The following LRIF1 variants were observed in gnomAD, a reference collection of about 807,000 sequenced individuals.
LRIF1 encodes the protein ligand dependent nuclear receptor interacting factor 1.
Under a neutral mutation model 52.7 loss-of-function variants are expected in LRIF1, and 32 were observed. The observed-to-expected ratio is 0.61, with a 90% CI of 0.46 to 0.82. LRIF1 has a LOEUF of 0.82. Ranked by LOEUF, LRIF1 falls within the 40% of genes least tolerant of loss-of-function variation. The pLI is 0.00. For missense variants in LRIF1, 887 were observed against 892.0 expected (o/e 0.99, Z 0.07); for synonymous variants, 323 against 317.4 (o/e 1.02, Z -0.19).
the LRIF1 span, among the ~76,000 whole-genome samples, chr1:110,924,205 C>G: frequency 6.6e-6 from 1 of 151,936 alleles, no homozygotes; most frequent in African/African-American, 2.4e-5. Context: ...TAGCCATTTA[C>G]AAAATTGGAT....
chr1:110,894,981 G>T, the LRIF1 span: 1 of 1,613,854 alleles, frequency 6.2e-7, no homozygotes. Context: ...TGTGGCTAAG[G>T]GTCTGACCGA....
intron 1 of LRIF1, among the ~76,000 whole-genome samples, chr1:110,955,481 T>TA (rs1463343876): frequency 6.6e-6 from 1 of 152,228 alleles, no homozygotes; most frequent in South Asian, 2.1e-4. Context: ...CCATTATTCT[T>TA]AGAGTCGTAG....
At chr1:110,912,786 A>G in the LRIF1 span, among the ~76,000 whole-genome samples, 1 of 152,346 alleles carries the variant, frequency 6.6e-6, no homozygotes, top group Admixed American at 6.5e-5. Flanking sequence ...TGCTATTTCT[A>G]TCAAACTACC....
chr1:110,890,905 C>A, the LRIF1 span, among the ~76,000 whole-genome samples: 1 of 152,192 alleles, frequency 6.6e-6, no homozygotes, highest in Non-Finnish European at 1.5e-5. Flanking sequence ...GGATATGTTC[C>A]CCCTACTTTC....
At chr1:110,891,868 G>C in the LRIF1 span, among the ~76,000 whole-genome samples, 2 of 152,286 alleles carry the variant, frequency 1.3e-5, no homozygotes, top group African/African-American at 2.4e-5. Flanking sequence ...AGGTTTCACT[G>C]TATAAAATTC....
At chr1:110,912,539 C>G in the LRIF1 span, among the ~76,000 whole-genome samples, 1 of 152,064 alleles carries the variant, frequency 6.6e-6, no homozygotes, top group Non-Finnish European at 1.5e-5. Flanking sequence ...CCAATGATGT[C>G]CAAGCTGAGA....
At chr1:110,900,130 G>A in the LRIF1 span, among the ~76,000 whole-genome samples, 2 of 152,130 alleles carry the variant, frequency 1.3e-5, no homozygotes, top group Non-Finnish European at 2.9e-5. Context: ...CTGGTTCACA[G>A]TCTCTCATGT....
In LRIF1 at chr1:110,948,170, T is replaced by C. The variant is rs778203277; in HGVS notation, c.2099A>G (p.His700Arg). ...EKRTEMEYYT[H>R]EKQEKGTLNS... is the part of the protein sequence containing the mutation. Reference sequence around the variant, plus strand: ...CAAAGTGCCTTTCTCTTGCTTCTCATGGGTATAGTATTCCATCTCAGTTCT... The same window carrying C: ...CAAAGTGCCTTTCTCTTGCTTCTCACGGGTATAGTATTCCATCTCAGTTCT... The change falls in exon 4 of 4, where the codon CAT (histidine) becomes CGT (arginine). Residue 700 changes from histidine to arginine, a missense_variant. By Grantham distance (29) the His-to-Arg change is conservative. Transcript: ENST00000369763. 2.5e-6 allele frequency: 4 copies of C among 1,614,132 alleles called. No homozygotes were observed. The highest frequency in any genetic ancestry group is 2.7e-5 in the African/African-American group (2 of 75,060).
the LRIF1 span, among the ~76,000 whole-genome samples, chr1:110,915,953 T>C: frequency 6.6e-6 from 1 of 152,250 alleles, no homozygotes; most frequent in Non-Finnish European, 1.5e-5. Flanking sequence ...GACTGTTGCC[T>C]ATCTTCGATG....
intron 1 of LRIF1, among the ~76,000 whole-genome samples, chr1:110,961,430 C>G (rs186233687): frequency 6.6e-6 from 1 of 152,334 alleles, no homozygotes; most frequent in East Asian, 1.9e-4. Context: ...AGCGTTCTGA[C>G]TCCTGCTTTA....
the LRIF1 span, among the ~76,000 whole-genome samples, chr1:110,927,174 TAATTTCTTTGTA>T: frequency 6.6e-6 from 1 of 152,174 alleles, no homozygotes; most frequent in African/African-American, 2.4e-5. Flanking sequence ...AATTATGCGA[TAATTTCTTTGTA>T]AATTCAGAAT....
chr1:110,928,050 A>G, the LRIF1 span, among the ~76,000 whole-genome samples: 1 of 152,200 alleles, frequency 6.6e-6, no homozygotes, highest in Non-Finnish European at 1.5e-5. Context: ...CAGTATTATT[A>G]AAACAAAAGT....
the LRIF1 span, among the ~76,000 whole-genome samples, chr1:110,884,289 T>G: frequency 6.6e-6 from 1 of 152,172 alleles, no homozygotes; most frequent in East Asian, 1.9e-4. Flanking sequence ...AATATGCTAT[T>G]TAGTTTCCCA....
the LRIF1 span, among the ~76,000 whole-genome samples, chr1:110,895,840 C>A: frequency 2.0e-5 from 3 of 152,116 alleles, no homozygotes; most frequent in African/African-American, 7.2e-5. Context: ...ATTCCCCACA[C>A]TTTTTTCGTT....
At chr1:110,943,209 G>A (rs908538777), downstream of LRIF1, among the ~76,000 whole-genome samples, 1 of 152,138 alleles carries the variant, frequency 6.6e-6, no homozygotes, top group Non-Finnish European at 1.5e-5. Flanking sequence ...AGTTATTGGA[G>A]ACCTTGACAA....
the LRIF1 span, among the ~76,000 whole-genome samples, chr1:110,905,090 G>T: frequency 6.6e-6 from 1 of 151,928 alleles, no homozygotes; most frequent in Middle Eastern, 3.2e-3. Flanking sequence ...AGTCAGAGGA[G>T]ATTTAAAAAA....
the LRIF1 span, among the ~76,000 whole-genome samples, chr1:110,895,963 C>A: frequency 1.3e-5 from 2 of 152,132 alleles, no homozygotes; most frequent in African/African-American, 4.8e-5. Flanking sequence ...CTAATAAAGT[C>A]TATAATTAAA....
At chr1:110,905,377 CCAAAAGCAG>C in the LRIF1 span, among the ~76,000 whole-genome samples, 2 of 151,522 alleles carry the variant, frequency 1.3e-5, no homozygotes, top group African/African-American at 4.8e-5. Flanking sequence ...AGAAAGGACT[CCAAAAGCAG>C]CAAGAGAAAA....
the LRIF1 span, among the ~76,000 whole-genome samples, chr1:110,884,463 A>G: frequency 6.6e-6 from 1 of 152,128 alleles, no homozygotes; most frequent in Admixed American, 6.5e-5. Context: ...GGAGTGTTCT[A>G]TCACAATCAG....
Sources: gnomAD v4.1 joint callset for allele counts (sites outside exome capture counted in the v4.1 genomes callset) on GRCh38, gnomAD v4.1.1 for gene constraint, MANE v1.5 for transcripts, NCBI Gene and HGNC (gene_info 2026-07-23, HGNC 2026-07-21) for gene names.